The following GNG4 variants were observed in gnomAD, a reference collection of about 807,000 sequenced individuals.
GNG4 encodes guanine nucleotide-binding protein G(I)/G(S)/G(O) subunit gamma-4.
A neutral mutation model predicts 5.8 loss-of-function variants in GNG4; 4 were observed. The observed-to-expected ratio is 0.69, with a 90% confidence interval of 0.34 to 1.57. GNG4 has a LOEUF of 1.57. GNG4 is among the 40% of genes most tolerant of loss of function. The probability of loss-of-function intolerance (pLI) is 0.06; values close to 1 mark genes in which losing one functional copy is unlikely to be tolerated. For missense variants in GNG4, 96 were observed against 95.1 expected, an observed-to-expected ratio of 1.01 and a Z score of -0.04; for synonymous variants, 29 against 32.9, an observed-to-expected ratio of 0.88 and a Z score of 0.41.
intron 3 of GNG4, among the ~76,000 whole-genome samples, chr1:235,561,907 C>G (rs1687072757): frequency 6.6e-6 from 1 of 152,132 alleles, no homozygotes. Context: ...ACTTAGATTT[C>G]CTATGTCATC....
At position 235,552,257 on chromosome 1, in the gene GNG4, A is replaced by G; in HGVS notation, c.100-20T>C. The G allele has an allele frequency of 6.2e-7, 1 of 1,611,948 alleles. No homozygotes were observed. Among genetic ancestry groups the G allele is most frequent in the East Asian group, 2.2e-5 (1 of 44,856 alleles). Reference sequence around the variant, plus strand: ...GGAGACCTGTGAGGGCACAGAGCACAGGTGCTCAGTTAAAGGCCCCTTTGC... The same window carrying G: ...GGAGACCTGTGAGGGCACAGAGCACGGGTGCTCAGTTAAAGGCCCCTTTGC... On this transcript the variant is annotated intron_variant, in intron 3 of 3. Coordinates refer to ENST00000391854, the MANE Select transcript of GNG4 (RefSeq NM_001098722.2).
chr1:235,591,871 C>T (rs1454231959), intron 2 of GNG4, among the ~76,000 whole-genome samples: 1 of 152,204 alleles, frequency 6.6e-6, no homozygotes, highest in Non-Finnish European at 1.5e-5. Flanking sequence ...TCTTGAGATG[C>T]AGCAGAGAAC....
chr1:235,577,173 C>T (rs972452014), intron 3 of GNG4, among the ~76,000 whole-genome samples: 1 of 152,150 alleles, frequency 6.6e-6, no homozygotes, highest in Non-Finnish European at 1.5e-5. Context: ...TGGCTACATA[C>T]CATGCCATCC....
intron 1 of GNG4, among the ~76,000 whole-genome samples, chr1:235,613,935 T>C (rs1474419784): frequency 1.3e-5 from 2 of 152,158 alleles, no homozygotes; most frequent in African/African-American, 4.8e-5. Flanking sequence ...CACCTCAGCC[T>C]CCTGAGTAGC....
At chr1:235,587,526 TGG>T in intron 2 of GNG4, among the ~76,000 whole-genome samples, 1 of 11,708 alleles carries the variant, frequency 8.5e-5, no homozygotes, top group Non-Finnish European at 1.5e-4. Context: ...GGGTGTGTTG[TGG>T]GTGTGTGTCA....
intron 1 of GNG4, among the ~76,000 whole-genome samples, chr1:235,641,197 G>A (rs931038543): frequency 1.3e-5 from 2 of 151,278 alleles, no homozygotes; most frequent in Non-Finnish European, 2.9e-5. Context: ...ACCAGCCTGG[G>A]CAACATAGTG....
rs183903456 is a variant in GNG4 at position 235,623,776 on chromosome 1, A to C, written c.-123+25886T>G. ...TGCCTCCGCCACAGCAGCCCCCCTC[A>C]TCATGCTGTCTCCCCAGCAACCAGC... On this transcript the variant is annotated intron_variant, in intron 1 of 3. Coordinates refer to ENST00000391854, the MANE Select transcript of GNG4 (RefSeq NM_001098722.2). Among the ~76,000 whole-genome samples the C allele has an allele frequency of 1.3e-3, 200 of 152,298 alleles. 1 individual carries two copies. The highest frequency in any genetic ancestry group is 1.7e-3 in the Non-Finnish European group (115 of 68,022).
At chr1:235,596,596 A>G (rs923949715) in intron 1 of GNG4, among the ~76,000 whole-genome samples, 3 of 152,264 alleles carry the variant, frequency 2.0e-5, no homozygotes, top group South Asian at 2.1e-4. Context: ...AAGACCAGTG[A>G]TAATGCCTTT....
intron 1 of GNG4, among the ~76,000 whole-genome samples, chr1:235,643,027 T>A (rs984501495): frequency 3.9e-5 from 6 of 152,304 alleles, no homozygotes; most frequent in Admixed American, 3.9e-4. Context: ...CCACCCCGAC[T>A]GACGCTGGGG....
intron 2 of GNG4, among the ~76,000 whole-genome samples, chr1:235,587,863 T>A (rs67893181): frequency 0.4 from 58,050 of 144,086 alleles, 12,466 homozygotes; most frequent in East Asian, 0.79. Flanking sequence ...GTGTATGGAG[T>A]GTGTGAGAGG....
At chr1:235,558,358 C>T (rs144367131) in intron 3 of GNG4, among the ~76,000 whole-genome samples, 41 of 152,280 alleles carry the variant, frequency 2.7e-4, no homozygotes, top group African/African-American at 8.7e-4. Flanking sequence ...TTTCACATAG[C>T]GTCCAGAGTC....
intron 3 of GNG4, among the ~76,000 whole-genome samples, chr1:235,567,298 T>C (rs939402862): frequency 8.5e-5 from 13 of 152,178 alleles, no homozygotes; most frequent in African/African-American, 3.1e-4. Context: ...TATACACATA[T>C]ATGTGTATTT....
chr1:235,612,489 C>T (rs1400188151), intron 1 of GNG4, among the ~76,000 whole-genome samples: 2 of 152,114 alleles, frequency 1.3e-5, no homozygotes, highest in South Asian at 4.1e-4. Context: ...GCGTCACTGT[C>T]TTGGTTCACC....
chr1:235,644,653 A>T lies in GNG4; in HGVS notation c.-123+5009T>A, dbSNP rs12133750. On this transcript the variant is annotated intron_variant, in intron 1 of 3. Transcript: ENST00000391854. This position sits in a 1 kb window ranked among gnomAD's most constrained non-coding sequence, Gnocchi z 5.9. ...ATACGCAAAGTTAACTGGGGCACAGAGAAAACAGAATTTTCCCAAGATTGC... is the reference window on the plus strand; with the variant it reads ...ATACGCAAAGTTAACTGGGGCACAGTGAAAACAGAATTTTCCCAAGATTGC... Among the ~76,000 whole-genome samples the T allele has an allele frequency of 2.0e-5, 3 of 152,244 alleles. No individual in the cohort carries two copies. The highest frequency in any genetic ancestry group is 4.4e-5 in the Non-Finnish European group (3 of 68,042).
intron 2 of GNG4, among the ~76,000 whole-genome samples, chr1:235,593,962 C>T (rs183660840): frequency 7.0e-4 from 107 of 152,300 alleles, no homozygotes; most frequent in African/African-American, 2.5e-3. Flanking sequence ...GGGCAGCCTG[C>T]TTTTATTCTC....
intron 2 of GNG4, among the ~76,000 whole-genome samples, chr1:235,590,586 C>G (rs919605775): frequency 1.3e-5 from 2 of 152,168 alleles, no homozygotes; most frequent in African/African-American, 2.4e-5. Context: ...GCTCCACGGT[C>G]TCTGCTCTGC....
At chr1:235,614,578 T>G (rs1447908248) in intron 1 of GNG4, 2 of 152,242 alleles carry the variant, frequency 1.3e-5, no homozygotes, top group East Asian at 3.9e-4. Flanking sequence ...TGCAGACGTA[T>G]GGACTGAGCT....
At chr1:235,574,199 C>T (rs188323064) in intron 3 of GNG4, among the ~76,000 whole-genome samples, 113 of 152,134 alleles carry the variant, frequency 7.4e-4, no homozygotes, top group Non-Finnish European at 1.1e-3. Flanking sequence ...GGTGAAACCC[C>T]GTCTCTACTA....
chr1:235,612,242 C>T (rs74148727), intron 1 of GNG4, among the ~76,000 whole-genome samples: 1,946 of 152,250 alleles, frequency 0.013, 42 homozygotes, highest in African/African-American at 0.041. Context: ...GAACGTGCTC[C>T]GATCTATTCA....
Sources: gnomAD v4.1 joint callset for allele counts (sites outside exome capture counted in the v4.1 genomes callset) on GRCh38, gnomAD v4.1.1 for gene constraint, Gnocchi (gnomAD v3.1) non-coding constraint, MANE v1.5 for transcripts, NCBI Gene and HGNC (gene_info 2026-07-23, HGNC 2026-07-21) for gene names.